PRKCZ: variants seen among roughly 807,000 people sequenced by gnomAD.
The protein encoded by PRKCZ is protein kinase C zeta type.
In PRKCZ, 33 loss-of-function variants were observed where a neutral mutation model predicts 79.5. The observed-to-expected ratio is 0.41, with a 90% CI of 0.31 to 0.55. The LOEUF (loss-of-function observed/expected upper bound fraction) is 0.55. PRKCZ is among the 20% of genes least tolerant of loss of function. The pLI is 0.19. For synonymous variants in PRKCZ, 342 were observed against 320.9 expected (o/e 1.07, Z -0.70); for missense variants, 578 against 813.5 (o/e 0.71, Z 3.52).
Position 2,146,178 on chromosome 1 carries a change from G to C in PRKCZ, c.634+70G>C, listed in dbSNP as rs569310291. Reference sequence around the variant, plus strand: ...TCACCCTGCTCACCTCTGCCTTCTAGCCACGAGTCCTTTCTCAGTCCCATC... The same window carrying C: ...TCACCCTGCTCACCTCTGCCTTCTACCCACGAGTCCTTTCTCAGTCCCATC... On this transcript the variant is annotated intron_variant, in intron 7 of 17. Transcript: ENST00000378567. 22 of 1,447,854 alleles carry C rather than the reference G, an allele frequency of 1.5e-5. No individual in the cohort carries two copies. In the African/African-American group the frequency reaches 2.9e-4, roughly 19 times the overall value. The allele number at this position is 1,447,854 out of a possible 1,614,324, so 89.7% of individuals were successfully genotyped here.
chr1:2,107,146 C>G (rs1668708627), intron 4 of PRKCZ, among the ~76,000 whole-genome samples: 1 of 152,248 alleles, frequency 6.6e-6, no homozygotes, highest in South Asian at 2.1e-4. Flanking sequence ...GCGTCTGTGA[C>G]CGGGGTGCGG....
intron 4 of PRKCZ, among the ~76,000 whole-genome samples, chr1:2,118,632 C>T (rs567423959): frequency 3.5e-4 from 53 of 151,900 alleles, no homozygotes; most frequent in African/African-American, 8.9e-4. Context: ...CCACTGTGCC[C>T]GGCCAAATGT....
chr1:2,078,147 C>T (rs68185203), intron 4 of PRKCZ, among the ~76,000 whole-genome samples: 17,314 of 152,280 alleles, frequency 0.11, 1,075 homozygotes, highest in Middle Eastern at 0.16. Context: ...CCCTGTGCCC[C>T]GAGCTGGGAA....
rs570094621 is a variant in PRKCZ at position 2,105,461 on chromosome 1, G to A, written c.335-29801G>A. Among the ~76,000 whole-genome samples, 32 of 152,284 alleles carry A rather than the reference G, an allele frequency of 2.1e-4. No homozygotes were observed. In the South Asian group the frequency reaches 6.0e-3, roughly 29 times the overall value. On this transcript the variant is annotated intron_variant, in intron 4 of 17. Coordinates refer to ENST00000378567, the MANE Select transcript of PRKCZ (RefSeq NM_002744.6). ...TTTGCCCAGGCTGGAGTGCAGTGGC[G>A]TGATCTCAGCTCACTGCAACCTTCG...
Position 2,105,294 on chromosome 1 carries a change from G to A in PRKCZ, c.335-29968G>A, listed in dbSNP as rs555574913. ...GAGGGCCTGCAGGGTGTTTGTAGAC[G>A]CAACTCTTGAAAGGCCCTGAGGTTG... is the stretch of plus-strand genomic sequence containing the variant. On this transcript the variant is annotated intron_variant, in intron 4 of 17. Coordinates refer to ENST00000378567, the MANE Select transcript of PRKCZ (RefSeq NM_002744.6). Among the ~76,000 whole-genome samples the A allele has an allele frequency of 9.2e-5, 14 of 152,312 alleles. No individual in the cohort carries two copies. The South Asian group carries it at 2.3e-3, about 25-fold the overall frequency.
At chr1:2,090,712 C>G (rs1341597901) in intron 4 of PRKCZ, among the ~76,000 whole-genome samples, 2 of 152,202 alleles carry the variant, frequency 1.3e-5, no homozygotes, top group African/African-American at 4.8e-5. Flanking sequence ...GGCGTGGGCG[C>G]CCTGGGAGCG....
At chr1:2,179,823 C>T (rs971328254) in intron 16 of PRKCZ, among the ~76,000 whole-genome samples, 2 of 151,918 alleles carry the variant, frequency 1.3e-5, no homozygotes, top group Non-Finnish European at 1.5e-5. Context: ...TTCCCACGTG[C>T]GACAGGCACG....
Position 2,127,427 on chromosome 1 carries a change from C to T in PRKCZ, c.335-7835C>T, listed in dbSNP as rs1199602203. On this transcript the variant is annotated intron_variant, in intron 4 of 17. Coordinates refer to ENST00000378567, the MANE Select transcript of PRKCZ (RefSeq NM_002744.6). This position sits in a 1 kb window ranked among gnomAD's most constrained non-coding sequence, Gnocchi z 5.1. Reference sequence around the variant, plus strand: ...CACCGCCGCCCCTGCCCCACGGCCACCCCAGATCCTCAGACGCCCCTCCCT... The same window carrying T: ...CACCGCCGCCCCTGCCCCACGGCCATCCCAGATCCTCAGACGCCCCTCCCT... Among the ~76,000 whole-genome samples the T allele has an allele frequency of 6.6e-6, 1 of 151,832 alleles. No individual in the cohort carries two copies. Among genetic ancestry groups the T allele is most frequent in the African/African-American group, 2.4e-5 (1 of 41,314 alleles).
At chr1:2,180,891 C>T (rs1183232633) in intron 16 of PRKCZ, among the ~76,000 whole-genome samples, 1 of 152,154 alleles carries the variant, frequency 6.6e-6, no homozygotes, top group African/African-American at 2.4e-5. Context: ...TCTCAGGGAC[C>T]TCCTCTCATC....
intron 4 of PRKCZ, among the ~76,000 whole-genome samples, chr1:2,095,502 C>T (rs1666297810): frequency 6.6e-6 from 1 of 152,112 alleles, no homozygotes; most frequent in South Asian, 2.1e-4. Context: ...GGGAGCCAGA[C>T]CCTCCTCCCG....
intron 10 of PRKCZ, among the ~76,000 whole-genome samples, chr1:2,162,573 G>C (rs1036624857): frequency 2.0e-5 from 3 of 152,134 alleles, no homozygotes; most frequent in African/African-American, 7.2e-5. Flanking sequence ...GGAGACTCTT[G>C]AAGTCTTCAT....
At chr1:2,057,696 C>CG (rs1231501778) in intron 3 of PRKCZ, among the ~76,000 whole-genome samples, 1 of 151,992 alleles carries the variant, frequency 6.6e-6, no homozygotes, top group South Asian at 2.1e-4. Flanking sequence ...TGAGACCCCC[C>CG]CCTCTCCAAA....
At position 2,050,646 on chromosome 1, in the gene PRKCZ, G is replaced by A. The variant is rs1200647693; in HGVS notation, c.16G>A (p.Gly6Ser). 8.2e-7 allele frequency: 1 copy of A among 1,226,632 alleles called. No individual in the cohort carries two copies. Among genetic ancestry groups the A allele is most frequent in the Non-Finnish European group, 1.0e-6 (1 of 984,540 alleles). The allele number at this position is 1,226,632 out of a possible 1,614,324, so 76.0% of individuals were successfully genotyped here. ...GGAGCGCGCCATGCCCAGCAGGACCGGCCCCAAGATGGAAGGGAGCGGCGG... is the reference window on the plus strand; with the variant it reads ...GGAGCGCGCCATGCCCAGCAGGACCAGCCCCAAGATGGAAGGGAGCGGCGG... MPSRT[G>S]PKMEGSGGRV... The change falls in exon 1 of 18, where the codon GGC becomes AGC. Residue 6 changes from glycine (G) to serine (S), a missense_variant. Coordinates refer to ENST00000378567, the MANE Select transcript of PRKCZ (RefSeq NM_002744.6).
intron 4 of PRKCZ, among the ~76,000 whole-genome samples, chr1:2,076,005 AG>A (rs1269773898): frequency 6.6e-6 from 1 of 152,214 alleles, no homozygotes; most frequent in African/African-American, 2.4e-5. Context: ...ACCTCTGCTG[AG>A]GATCCCAAAA....
chr1:2,090,340 G>A (rs1329202525), intron 4 of PRKCZ, among the ~76,000 whole-genome samples: 1 of 152,172 alleles, frequency 6.6e-6, no homozygotes, highest in Non-Finnish European at 1.5e-5. Flanking sequence ...CCCGCAGAAG[G>A]GGCCCGTGCA....
chr1:2,161,695 A>G (rs1682350024), intron 10 of PRKCZ, among the ~76,000 whole-genome samples: 1 of 152,214 alleles, frequency 6.6e-6, no homozygotes, highest in Non-Finnish European at 1.5e-5. Context: ...GGGGACCTCC[A>G]CTGCAGGCTT....
At position 2,174,897 on chromosome 1, in the gene PRKCZ, A is replaced by G. The variant is rs1239887707; in HGVS notation, c.1485+64A>G. ...CCTCGGTGTTGGTGGGCAGAGGGCC[A>G]GGCACGGCTGTTGGCCATTTTTTCA... is the stretch of plus-strand genomic sequence containing the variant. On this transcript the variant is annotated intron_variant, in intron 15 of 17. Transcript: ENST00000378567. This position sits in a 1 kb window ranked among gnomAD's most constrained non-coding sequence, Gnocchi z 6.2. 1.3e-6 allele frequency: 2 copies of G among 1,533,804 alleles called. No homozygotes were observed. The highest frequency in any genetic ancestry group is 2.7e-5 in the African/African-American group (2 of 73,174).
At chr1:2,066,604 C>T (rs937680981) in intron 4 of PRKCZ, among the ~76,000 whole-genome samples, 6 of 152,342 alleles carry the variant, frequency 3.9e-5, no homozygotes, top group Non-Finnish European at 8.8e-5. Context: ...GGCTTCCCAA[C>T]GTGTAGGGAT....
intron 1 of PRKCZ, among the ~76,000 whole-genome samples, chr1:2,053,207 TCTC>T (rs1186318259): frequency 6.6e-6 from 1 of 151,976 alleles, no homozygotes; most frequent in African/African-American, 2.4e-5. Flanking sequence ...TTCAAGCAAT[TCTC>T]CTGCTTCAGC....
Sources: gnomAD v4.1 joint callset for allele counts (sites outside exome capture counted in the v4.1 genomes callset) on GRCh38, gnomAD v4.1.1 for gene constraint, Gnocchi (gnomAD v3.1) non-coding constraint, MANE v1.5 for transcripts, NCBI Gene and HGNC (gene_info 2026-07-23, HGNC 2026-07-21) for gene names.